The following CDC123 variants were observed in gnomAD, a reference collection of about 807,000 sequenced individuals.
CDC123 encodes the protein cell division cycle 123, also known as translation initiation factor eIF2 assembly protein.
Under a neutral mutation model 54.4 loss-of-function variants are expected in CDC123, and 37 were observed. The observed-to-expected ratio is 0.68, with a 90% CI of 0.52 to 0.89. CDC123 has a LOEUF of 0.89. CDC123 is among the 40% of genes least tolerant of loss of function. The pLI is 0.00. For missense variants in CDC123, 361 were observed against 412.1 expected, an observed-to-expected ratio of 0.88 and a Z score of 1.07; for synonymous variants, 144 against 136.8, an observed-to-expected ratio of 1.05 and a Z score of -0.37.
At chr10:12,213,592 C>G (rs1014960272) in intron 4 of CDC123, among the ~76,000 whole-genome samples, 2 of 151,104 alleles carry the variant, frequency 1.3e-5, no homozygotes, top group Non-Finnish European at 2.9e-5. Context: ...GAAGACGTTA[C>G]TAGGACACTT....
Position 12,250,360 on chromosome 10 carries a change from G to A in CDC123, c.*23G>A. 5 of 1,588,630 alleles carry A rather than the reference G, an allele frequency of 3.1e-6. No individual in the cohort carries two copies. The highest frequency in any genetic ancestry group is 4.3e-6 in the Non-Finnish European group (5 of 1,157,404). On this transcript the variant is annotated 3_prime_UTR_variant, in exon 13 of 13. Transcript: ENST00000281141. ...TGATGAGCGTACTGGAACTGGAGAA[G>A]AGGAGGCCCCGCCCCACCGCTCCGG...
intron 7 of CDC123, among the ~76,000 whole-genome samples, chr10:12,234,467 C>A (rs1267984003): frequency 2.6e-5 from 4 of 152,218 alleles, no homozygotes; most frequent in East Asian, 1.9e-4. Flanking sequence ...TGATCGCCCG[C>A]CTCAGTCTCC....
rs184139810 is a variant in CDC123 at position 12,196,378 on chromosome 10, G to C, written c.74+59G>C. ...CAAAAGGGAACTGCGACTTCTGAGCGAATCTTACTGCTATCCAAAAAAATG... is the reference window on the plus strand; with the variant it reads ...CAAAAGGGAACTGCGACTTCTGAGCCAATCTTACTGCTATCCAAAAAAATG... On this transcript the variant is annotated intron_variant, in intron 1 of 12. Transcript: ENST00000281141. The C allele has an allele frequency of 8.5e-5, 136 of 1,608,956 alleles. 1 individual carries two copies. The Middle Eastern group carries it at 2.3e-3, about 27-fold the overall frequency.
chr10:12,207,544 C>G (rs1464078030), intron 2 of CDC123, among the ~76,000 whole-genome samples: 3 of 152,186 alleles, frequency 2.0e-5, no homozygotes, highest in South Asian at 4.2e-4. Flanking sequence ...GTGAGGAGGA[C>G]ACACACAGAT....
intron 4 of CDC123, among the ~76,000 whole-genome samples, chr10:12,210,664 T>C (rs1835585396): frequency 6.6e-6 from 1 of 152,182 alleles, no homozygotes; most frequent in Admixed American, 6.5e-5. Flanking sequence ...AAATCTGTAT[T>C]TCCTTATTCA....
At chr10:12,220,515 G>A (rs951009380) in intron 6 of CDC123, among the ~76,000 whole-genome samples, 5 of 152,374 alleles carry the variant, frequency 3.3e-5, no homozygotes, top group African/African-American at 9.6e-5. Context: ...TGGGCTTTCA[G>A]CCTTTTAGCT....
intron 4 of CDC123, among the ~76,000 whole-genome samples, chr10:12,210,559 A>G (rs1696500663): frequency 6.6e-6 from 1 of 152,126 alleles, no homozygotes; most frequent in African/African-American, 2.4e-5. Context: ...TGCGTATTTG[A>G]TGCCTTGACT....
chr10:12,241,709 T>G (rs547080763), intron 10 of CDC123, among the ~76,000 whole-genome samples: 4 of 152,220 alleles, frequency 2.6e-5, no homozygotes, highest in Admixed American at 2.6e-4. Context: ...GTTCTTTTGT[T>G]TGTGAGAATC....
intron 2 of CDC123, among the ~76,000 whole-genome samples, chr10:12,200,262 G>T (rs984551900): frequency 6.6e-6 from 1 of 151,234 alleles, no homozygotes; most frequent in Non-Finnish European, 1.5e-5. Context: ...AACTAGCTGG[G>T]ACAACAGGTG....
intron 1 of CDC123, among the ~76,000 whole-genome samples, chr10:12,198,118 C>A (rs1835390651): frequency 6.6e-6 from 1 of 152,166 alleles, no homozygotes; most frequent in African/African-American, 2.4e-5. Context: ...GCTTTGCCAT[C>A]CTTAATTATG....
intron 6 of CDC123, among the ~76,000 whole-genome samples, chr10:12,228,451 G>A (rs1490228540): frequency 6.6e-6 from 1 of 151,284 alleles, no homozygotes; most frequent in Non-Finnish European, 1.5e-5. Context: ...GGTCACCCAG[G>A]CTGGAGTGCA....
Position 12,250,569 on chromosome 10 carries a change from T to G in CDC123, c.*232T>G. 1 of 466,804 alleles carries G rather than the reference T, an allele frequency of 2.1e-6. No individual in the cohort carries two copies. The highest frequency in any genetic ancestry group is 3.6e-5 in the East Asian group (1 of 27,632). The allele number at this position is 466,804 out of a possible 1,614,324, so 28.9% of individuals were successfully genotyped here. On this transcript the variant is annotated 3_prime_UTR_variant, in exon 13 of 13. Transcript: ENST00000281141. ...TAGGAAAACCATACTGTTCTGATAA[T>G]AAAATGCTTTCTATGAAATACGTTG...
chr10:12,235,330 G>A (rs1835965037), intron 8 of CDC123, among the ~76,000 whole-genome samples: 1 of 152,116 alleles, frequency 6.6e-6, no homozygotes, highest in African/African-American at 2.4e-5. Context: ...CGCAGGAAAC[G>A]GTATTGTCAG....
Position 12,198,776 on chromosome 10 carries a change from GGTAAA to G in CDC123, c.146+4_146+8del, listed in dbSNP as rs1432241417. ...GATGGAACTCTGGTGGTTTCAGGAA[GGTAAA>G]GTATTTTAGAAAAAAATTTCTTAAA... On this transcript the variant is annotated splice_donor_variant and splice_donor_5th_base_variant and intron_variant, in intron 2 of 12. Coordinates refer to ENST00000281141, the MANE Select transcript of CDC123 (RefSeq NM_006023.3). LOFTEE classifies it high-confidence loss of function. 6.5e-7 allele frequency: 1 copy of G among 1,547,368 alleles called. No homozygotes were observed. The highest frequency in any genetic ancestry group is 2.3e-5 in the East Asian group (1 of 44,176).
intron 6 of CDC123, among the ~76,000 whole-genome samples, chr10:12,219,209 GTAT>G (rs1835700997): frequency 6.6e-6 from 1 of 152,206 alleles, no homozygotes; most frequent in Admixed American, 6.5e-5. Context: ...TAAGGTTGTA[GTAT>G]TATATTAATT....
At chr10:12,228,253 A>T (rs1835853759) in intron 6 of CDC123, among the ~76,000 whole-genome samples, 2 of 152,082 alleles carry the variant, frequency 1.3e-5, no homozygotes, top group South Asian at 4.1e-4. Flanking sequence ...TATTGACGTA[A>T]AATAACTGTT....
In CDC123 at chr10:12,237,148, T is replaced by G; in HGVS notation, c.570T>G (p.Ile190Met). ...TGTAAAATATTTTCTTGTCAGGTATTTCTCAAAGAGACTACACACAATACT... is the reference window on the plus strand; with the variant it reads ...TGTAAAATATTTTCTTGTCAGGTATGTCTCAAAGAGACTACACACAATACT... ...CFVKENKLIG[I>M]SQRDYTQYYD... The change falls in exon 9 of 13, where the codon ATT becomes ATG. Residue 190 changes from isoleucine to methionine, a missense_variant. By Grantham distance (10) the Ile-to-Met change is conservative (BLOSUM62 1). Transcript: ENST00000281141. 1 of 1,534,922 alleles carries G rather than the reference T, an allele frequency of 6.5e-7. No individual in the cohort carries two copies. Among genetic ancestry groups the G allele is most frequent in the Non-Finnish European group, 8.7e-7 (1 of 1,149,186 alleles).
intron 10 of CDC123, among the ~76,000 whole-genome samples, chr10:12,240,090 C>T (rs990851809): frequency 1.3e-5 from 2 of 151,344 alleles, no homozygotes; most frequent in African/African-American, 4.9e-5. Flanking sequence ...TATCTTTAGA[C>T]AGAAGAGGAT....
chr10:12,217,948 G>C (rs1332027103), intron 6 of CDC123, among the ~76,000 whole-genome samples: 2 of 152,078 alleles, frequency 1.3e-5, no homozygotes, highest in Non-Finnish European at 2.9e-5. Flanking sequence ...AATTAGCCGG[G>C]CGTGGTGGCA....
Sources: allele counts gnomAD v4.1 joint callset (sites outside exome capture counted in the v4.1 genomes callset), GRCh38; gene constraint gnomAD v4.1.1; transcripts MANE v1.5; gene names NCBI Gene and HGNC (gene_info 2026-07-23, HGNC 2026-07-21).